TRARG1: variants seen among roughly 807,000 people sequenced by gnomAD.
TRARG1 encodes the protein trafficking regulator of GLUT4 (SLC2A4) 1 (gene/pseudogene).
In TRARG1, 16 loss-of-function variants were observed where a neutral mutation model predicts 13.3. The ratio of observed to expected loss-of-function variants is 1.20; its 90% confidence interval spans 0.81 to 1.83. The LOEUF (loss-of-function observed/expected upper bound fraction) is 1.83. Among genes scored for constraint, TRARG1 ranks in the 40% most tolerant of loss-of-function variants. The probability of loss-of-function intolerance (pLI) is 0.00; values close to 1 mark genes in which losing one functional copy is unlikely to be tolerated. For synonymous variants in TRARG1, 113 were observed against 106.2 expected, an observed-to-expected ratio of 1.06 and a Z score of -0.39; for missense variants, 250 against 237.4, an observed-to-expected ratio of 1.05 and a Z score of -0.35.
rs570156275 is a variant in TRARG1, at chr17:1,285,990, G to A, written c.387+5602G>A. On this transcript the variant is annotated intron_variant, in intron 1 of 2. Transcript: ENST00000333813. ...TGGAAGCATCCACTGCCTTGGCCAC[G>A]CATAGATCCCTGGTGACCGGGGGAT... Among the ~76,000 whole-genome samples, 89 of 152,286 alleles carry A rather than the reference G, an allele frequency of 5.8e-4. 1 individual carries two copies. Among genetic ancestry groups the A allele is most frequent in the Admixed American group, 5.6e-3 (85 of 15,286 alleles).
At chr17:1,293,908 A>G (rs2072092611) in intron 1 of TRARG1, among the ~76,000 whole-genome samples, 1 of 152,034 alleles carries the variant, frequency 6.6e-6, no homozygotes, top group African/African-American at 2.4e-5. Flanking sequence ...GTGGGGCTGC[A>G]TTGCCAACCT....
Position 1,295,571 on chromosome 17 carries a change from C to T in TRARG1, c.468C>T (p.Leu156=), listed in dbSNP as rs755921872. ...TGGCTCGGCTGCTCAGCATTACCCT[C>T]ATCATCATGGGCATCGTCATTATCA... The part of the protein sequence containing the change: ...GRLARLLSIT[L]IIMGIVIIMV... Residue 156 remains leucine (L), a synonymous_variant, in exon 2 of 3, where the codon CTC becomes CTT. Transcript: ENST00000333813. 1 of 1,613,342 alleles carries T rather than the reference C, an allele frequency of 6.2e-7. No homozygotes were observed. Among genetic ancestry groups the T allele is most frequent in the Non-Finnish European group, 8.5e-7 (1 of 1,179,826 alleles).
chr17:1,295,692 C>A, intron 2 of TRARG1, 69 bp downstream of exon 2: 1 of 1,501,554 alleles, frequency 6.7e-7, no homozygotes, highest in Non-Finnish European at 8.9e-7. Flanking sequence ...AGGGTGTACC[C>A]AGCCTCAGGG....
rs144546157 is a variant in TRARG1 at position 1,281,212 on chromosome 17, G to A, written c.387+824G>A. Among the ~76,000 whole-genome samples the A allele has an allele frequency of 4.0e-4, 61 of 152,354 alleles. 2 individuals are homozygous for A. In the East Asian group the frequency reaches 9.6e-3, roughly 24 times the overall value. On this transcript the variant is annotated intron_variant, in intron 1 of 2. Transcript: ENST00000333813. ...ATAAAGGATTCCATAGAAAATGTCAGCAGATATTGGCAAGTGACTTTTGAA... is the reference window on the plus strand; with the variant it reads ...ATAAAGGATTCCATAGAAAATGTCAACAGATATTGGCAAGTGACTTTTGAA...
chr17:1,297,195 C>G (rs1286843072), intron 2 of TRARG1, among the ~76,000 whole-genome samples: 1 of 152,148 alleles, frequency 6.6e-6, no homozygotes, highest in East Asian at 1.9e-4. Context: ...AAACGCAGAA[C>G]TCCAGGCTCC....
At chr17:1,284,829 C>T (rs980660684) in intron 1 of TRARG1, among the ~76,000 whole-genome samples, 5 of 151,926 alleles carry the variant, frequency 3.3e-5, no homozygotes, top group South Asian at 2.1e-4. Context: ...TACAGGCGCC[C>T]GCCACCACAC....
rs1381504365 is a variant in TRARG1 at position 1,281,376 on chromosome 17, G to GT, written c.387+988_387+989insT. Among the ~76,000 whole-genome samples, 6 of 15,666 alleles carry GT rather than the reference G, an allele frequency of 3.8e-4. No individual in the cohort carries two copies. In the South Asian group the frequency reaches 0.014, roughly 37 times the overall value. 10.3% of individuals were successfully genotyped at this position (15,666 alleles called of 152,430 possible). On this transcript the variant is annotated intron_variant, in intron 1 of 2. Coordinates refer to ENST00000333813, the MANE Select transcript of TRARG1 (RefSeq NM_172367.3). ...TCAGGGCCAGAGGACTAGGTGTGGA[G>GT]GGGGGTTCCCAAGAGTGACTCCCTG... is the stretch of plus-strand genomic sequence containing the variant.
At position 1,282,218 on chromosome 17, in the gene TRARG1, A is replaced by ATG. The variant is rs1491514533; in HGVS notation, c.387+1830_387+1831insTG. On this transcript the variant is annotated intron_variant, in intron 1 of 2. Coordinates refer to ENST00000333813, the MANE Select transcript of TRARG1 (RefSeq NM_172367.3). Reference sequence around the variant, plus strand: ...TGTACACGTGCGTATATGTACGTATACACGTGCGTATATGTACGTATATGC... The same window carrying ATG: ...TGTACACGTGCGTATATGTACGTATATGCACGTGCGTATATGTACGTATATGC... Among the ~76,000 whole-genome samples the ATG allele has an allele frequency of 6.3e-3, 679 of 107,934 alleles. 43 individuals carry two copies. The highest frequency in any genetic ancestry group is 0.028 in the East Asian group (83 of 2,914). The allele number at this position is 107,934 out of a possible 152,430, so 70.8% of individuals were successfully genotyped here.
In TRARG1 at chr17:1,298,363, C is replaced by T. The variant is rs148357740; in HGVS notation, c.*99C>T. The T allele has an allele frequency of 1.5e-6, 2 of 1,346,978 alleles. No homozygotes were observed. The highest frequency in any genetic ancestry group is 2.1e-6 in the Non-Finnish European group (2 of 969,648). 83.4% of individuals were successfully genotyped at this position (1,346,978 alleles called of 1,614,324 possible). On this transcript the variant is annotated 3_prime_UTR_variant, in exon 3 of 3. Coordinates refer to ENST00000333813, the MANE Select transcript of TRARG1 (RefSeq NM_172367.3). ...GGCCAGGGTGCTGACTGTCAAGCATCCCCTGTCCCCAAGTTCCAAAAGCAC... is the reference window on the plus strand; with the variant it reads ...GGCCAGGGTGCTGACTGTCAAGCATTCCCTGTCCCCAAGTTCCAAAAGCAC...
chr17:1,285,734 G>A (rs1394454919), intron 1 of TRARG1, among the ~76,000 whole-genome samples: 1 of 151,854 alleles, frequency 6.6e-6, no homozygotes, highest in Non-Finnish European at 1.5e-5. Context: ...GGAAGGGAAG[G>A]GAAGGGTAAG....
intron 1 of TRARG1, among the ~76,000 whole-genome samples, chr17:1,288,109 T>C (rs949229680): frequency 1.3e-5 from 2 of 151,918 alleles, no homozygotes; most frequent in Non-Finnish European, 2.9e-5. Context: ...TGCAGCTCTC[T>C]TCCTCTCCCG....
intron 1 of TRARG1, among the ~76,000 whole-genome samples, chr17:1,287,211 T>C (rs1393485720): frequency 6.6e-6 from 1 of 151,828 alleles, no homozygotes; most frequent in African/African-American, 2.4e-5. Context: ...GTTGTGGAAA[T>C]GAATTTCTAA....
intron 1 of TRARG1, among the ~76,000 whole-genome samples, chr17:1,293,283 CAAAA>C (rs55792385): frequency 6.5e-5 from 5 of 77,176 alleles, no homozygotes; most frequent in African/African-American, 2.1e-4. Context: ...GACTCTGTCT[CAAAA>C]AAAAAAAAAA....
intron 1 of TRARG1, among the ~76,000 whole-genome samples, chr17:1,289,930 C>T (rs193258097): frequency 3.2e-3 from 484 of 151,980 alleles, no homozygotes; most frequent in Non-Finnish European, 5.9e-3. Flanking sequence ...GGGAATCATT[C>T]GAGTCACGTT....
At position 1,300,827 on chromosome 17, in the gene TRARG1, C is replaced by T. The variant is rs2072150402; in HGVS notation, c.*2563C>T. On this transcript the variant is annotated 3_prime_UTR_variant, in exon 3 of 3. Coordinates refer to ENST00000333813, the MANE Select transcript of TRARG1 (RefSeq NM_172367.3). ...GCTCCATCTTGGTTCTAGCCGCCAC[C>T]TGCATGAACACAGTGGCCCGGCTTA... 1.3e-5 allele frequency: 2 copies of T among 152,314 alleles called. No homozygotes were observed. Among genetic ancestry groups the T allele is most frequent in the Non-Finnish European group, 2.9e-5 (2 of 68,104 alleles). 9.4% of individuals were successfully genotyped at this position (152,314 alleles called of 1,614,324 possible).
chr17:1,282,216 A>ATATG (rs1567928137), intron 1 of TRARG1, among the ~76,000 whole-genome samples: 1,678 of 123,138 alleles, frequency 0.014, 73 homozygotes, highest in African/African-American at 0.042. Context: ...ATATGTACGT[A>ATATG]TACACGTGCG....
chr17:1,283,144 T>G (rs2071996159), intron 1 of TRARG1, among the ~76,000 whole-genome samples: 1 of 152,078 alleles, frequency 6.6e-6, no homozygotes, highest in Non-Finnish European at 1.5e-5. Context: ...GAAGTGCCCG[T>G]GGTAGACATA....
intron 1 of TRARG1, among the ~76,000 whole-genome samples, chr17:1,292,319 C>T (rs987045223): frequency 6.6e-6 from 1 of 152,240 alleles, no homozygotes; most frequent in African/African-American, 2.4e-5. Context: ...CAGCTCCCGA[C>T]TCACCTCCCT....
intron 1 of TRARG1, among the ~76,000 whole-genome samples, chr17:1,283,554 C>G (rs1598188623): frequency 6.6e-6 from 1 of 152,314 alleles, no homozygotes; most frequent in East Asian, 1.9e-4. Context: ...TGCCTGTAAT[C>G]CCAGCACTTT....
Sources: allele counts gnomAD v4.1 joint callset (sites outside exome capture counted in the v4.1 genomes callset), GRCh38; gene constraint gnomAD v4.1.1; transcripts MANE v1.5; gene names NCBI Gene and HGNC (gene_info 2026-07-23, HGNC 2026-07-21).